MAP4K3: variants seen among roughly 807,000 people sequenced by gnomAD.
MAP4K3 encodes MAPK/ERK kinase kinase kinase 3.
In MAP4K3, 94 loss-of-function variants were observed where a neutral mutation model predicts 143.5. The ratio of observed to expected loss-of-function variants is 0.65; its 90% CI spans 0.55 to 0.78. The LOEUF is 0.78. Ranked by LOEUF, MAP4K3 falls within the 30% of genes least tolerant of loss-of-function variation. The pLI, the probability that MAP4K3 is intolerant of heterozygous loss-of-function variation, is 0.00. For synonymous variants in MAP4K3, 416 were observed against 347.2 expected (o/e 1.20, Z -2.20); for missense variants, 1,077 against 1,068.1 (o/e 1.01, Z -0.12).
chr2:39,377,948 CTA>C (rs1164567562), intron 2 of MAP4K3, 116 bp downstream of exon 2: 2 of 683,904 alleles, frequency 2.9e-6, no homozygotes, highest in Admixed American at 3.0e-5. Flanking sequence ...ACAAGCAGCT[CTA>C]TTTATCCCAG....
At chr2:39,287,049 T>G in intron 20 of MAP4K3, 85 bp from the exon 21 acceptor site, 2 of 748,372 alleles carry the variant, frequency 2.7e-6, no homozygotes, top group Non-Finnish European at 4.3e-6. Flanking sequence ...AGAAAAAATA[T>G]TAACTCTGAC....
intron 1 of MAP4K3, among the ~76,000 whole-genome samples, chr2:39,407,769 T>C (rs1303982436): frequency 6.6e-6 from 1 of 152,130 alleles, no homozygotes; most frequent in Non-Finnish European, 1.5e-5. Context: ...AGACATGGGG[T>C]CTCACTATGT....
At chr2:39,396,480 T>A (rs1666808778) in intron 1 of MAP4K3, among the ~76,000 whole-genome samples, 1 of 145,084 alleles carries the variant, frequency 6.9e-6, no homozygotes, top group Admixed American at 6.9e-5. Context: ...AGCCCCCAAT[T>A]TTTTTTTTTT....
chr2:39,341,040 TGATA>T (rs1665125393), intron 4 of MAP4K3, among the ~76,000 whole-genome samples: 1 of 151,996 alleles, frequency 6.6e-6, no homozygotes, highest in Admixed American at 6.5e-5. Context: ...TGTCCAGATG[TGATA>T]AAAGAGCAAA....
At chr2:39,354,946 T>C (rs1259060585) in intron 3 of MAP4K3, among the ~76,000 whole-genome samples, 1 of 152,142 alleles carries the variant, frequency 6.6e-6, no homozygotes, top group Non-Finnish European at 1.5e-5. Flanking sequence ...TGAAGAGTTT[T>C]TTTAATACAT....
chr2:39,410,816 AC>A (rs915211051), intron 1 of MAP4K3, among the ~76,000 whole-genome samples: 8 of 152,204 alleles, frequency 5.3e-5, no homozygotes, highest in African/African-American at 1.9e-4. Context: ...TTTTAGCTAT[AC>A]AAAAGGATAT....
Position 39,370,188 on chromosome 2 carries a change from A to G in MAP4K3, c.154+7878T>C, listed in dbSNP as rs367765961. Among the ~76,000 whole-genome samples, 7 of 152,332 alleles carry G rather than the reference A, an allele frequency of 4.6e-5. No individual in the cohort carries two copies. In the East Asian group the frequency reaches 5.8e-4, roughly 13 times the overall value. On this transcript the variant is annotated intron_variant, in intron 2 of 33. Coordinates refer to ENST00000263881, the MANE Select transcript of MAP4K3 (RefSeq NM_003618.4). ...TATTTTGGAGCATTATTACCTTTCA[A>G]TGTGTAAATATTCAATCTCTCCAGC...
At chr2:39,320,859 T>C (rs995847278) in intron 12 of MAP4K3, among the ~76,000 whole-genome samples, 20 of 152,188 alleles carry the variant, frequency 1.3e-4, no homozygotes, top group Admixed American at 1.2e-3. Flanking sequence ...CTCTTAGATC[T>C]ATCTTTGTGG....
At chr2:39,395,364 T>A (rs1399172743) in intron 1 of MAP4K3, among the ~76,000 whole-genome samples, 1 of 151,152 alleles carries the variant, frequency 6.6e-6, no homozygotes, top group African/African-American at 2.4e-5. Context: ...CACACATTTT[T>A]AAAATAATGG....
chr2:39,434,448 T>C (rs1665389778), intron 1 of MAP4K3, among the ~76,000 whole-genome samples: 1 of 152,176 alleles, frequency 6.6e-6, no homozygotes, highest in African/African-American at 2.4e-5. Flanking sequence ...ACCAAGCATC[T>C]ATTATCTGAT....
intron 1 of MAP4K3, among the ~76,000 whole-genome samples, chr2:39,420,888 A>G (rs1208861363): frequency 6.6e-6 from 1 of 152,142 alleles, no homozygotes; most frequent in African/African-American, 2.4e-5. Context: ...CAAATCTGCT[A>G]GTCTATAGAC....
chr2:39,432,243 AC>A (rs1331009307), intron 1 of MAP4K3, among the ~76,000 whole-genome samples: 3 of 152,242 alleles, frequency 2.0e-5, no homozygotes, highest in African/African-American at 7.2e-5. Context: ...TGCATTAGAT[AC>A]GTTTCACCAA....
intron 12 of MAP4K3, among the ~76,000 whole-genome samples, chr2:39,316,651 A>C (rs930370574): frequency 1.3e-5 from 2 of 152,180 alleles, no homozygotes; most frequent in Non-Finnish European, 2.9e-5. Flanking sequence ...CCTGAAATTA[A>C]AGTAGGCAAC....
chr2:39,322,985 T>C (rs1683363741), intron 12 of MAP4K3, among the ~76,000 whole-genome samples: 1 of 152,116 alleles, frequency 6.6e-6, no homozygotes, highest in South Asian at 2.1e-4. Context: ...TTTAAGAGTA[T>C]GCATACAATA....
At chr2:39,371,353 G>A (rs993902518) in intron 2 of MAP4K3, among the ~76,000 whole-genome samples, 1 of 152,148 alleles carries the variant, frequency 6.6e-6, no homozygotes, top group Non-Finnish European at 1.5e-5. Flanking sequence ...ACAAAGTTAC[G>A]ATGGATGTGA....
intron 15 of MAP4K3, among the ~76,000 whole-genome samples, chr2:39,306,065 T>C (rs1417291061): frequency 6.6e-6 from 1 of 152,158 alleles, no homozygotes; most frequent in East Asian, 1.9e-4. Flanking sequence ...CCTGACCTCA[T>C]GATCTGCCCG....
At chr2:39,419,294 G>C (rs971499180) in intron 1 of MAP4K3, among the ~76,000 whole-genome samples, 2 of 151,730 alleles carry the variant, frequency 1.3e-5, no homozygotes, top group Non-Finnish European at 2.9e-5. Context: ...TTAGTTTACA[G>C]ATTTTTCTTC....
chr2:39,416,568 CA>C (rs1459104391), intron 1 of MAP4K3, among the ~76,000 whole-genome samples: 1 of 152,226 alleles, frequency 6.6e-6, no homozygotes, highest in African/African-American at 2.4e-5. Context: ...ATTTTCCTCA[CA>C]GACACAATCT....
chr2:39,257,596 C>T (rs976275022), intron 31 of MAP4K3, among the ~76,000 whole-genome samples: 2 of 151,834 alleles, frequency 1.3e-5, no homozygotes, highest in African/African-American at 2.4e-5. Flanking sequence ...GTCAAGAGTT[C>T]GAGACCAGCC....
Sources: gnomAD v4.1 joint callset for allele counts (sites outside exome capture counted in the v4.1 genomes callset) on GRCh38, gnomAD v4.1.1 for gene constraint, MANE v1.5 for transcripts, NCBI Gene and HGNC (gene_info 2026-07-23, HGNC 2026-07-21) for gene names.